Variants in CHIC2 observed in about 807,000 individuals in gnomAD.
CHIC2 encodes cysteine-rich hydrophobic domain-containing protein 2.
In CHIC2, 14 loss-of-function variants were observed where a neutral mutation model predicts 25.9. That is an observed-to-expected ratio of 0.54 (90% CI 0.36 to 0.85). CHIC2 has a LOEUF of 0.85. Ranked by LOEUF, CHIC2 falls within the 40% of genes least tolerant of loss-of-function variation. The pLI is 0.01. For missense variants in CHIC2, 146 were observed against 202.0 expected, an observed-to-expected ratio of 0.72 and a Z score of 1.68; for synonymous variants, 70 against 72.0, an observed-to-expected ratio of 0.97 and a Z score of 0.14.
chr4:54,085,254 T>C, the CHIC2 span, among the ~76,000 whole-genome samples: 4 of 152,362 alleles, frequency 2.6e-5, no homozygotes, highest in East Asian at 7.7e-4. Context: ...ATTACCTTTT[T>C]ACCACTTTTG....
intron 3 of CHIC2, among the ~76,000 whole-genome samples, chr4:54,021,250 C>T (rs573456993): frequency 2.6e-5 from 4 of 152,208 alleles, no homozygotes; most frequent in East Asian, 3.9e-4. Flanking sequence ...TAATTTTTGT[C>T]GAAAAATGGG....
chr4:54,043,765 C>T (rs915396113), intron 3 of CHIC2, among the ~76,000 whole-genome samples: 6 of 152,162 alleles, frequency 3.9e-5, no homozygotes, highest in Admixed American at 3.3e-4. Flanking sequence ...AAATAACCAG[C>T]TAACATCATA....
intron 1 of CHIC2, among the ~76,000 whole-genome samples, chr4:54,058,553 C>T (rs1015845349): frequency 1.0e-3 from 129 of 126,386 alleles, no homozygotes; most frequent in South Asian, 1.7e-3. Flanking sequence ...CACACATACA[C>T]ACACATACAC....
At chr4:54,036,125 A>G (rs774598284) in intron 3 of CHIC2, among the ~76,000 whole-genome samples, 2 of 152,220 alleles carry the variant, frequency 1.3e-5, no homozygotes, top group Non-Finnish European at 2.9e-5. Flanking sequence ...AATAAGAACT[A>G]TCTCAGTGAT....
At chr4:54,049,512 A>G (rs1435833591) in intron 1 of CHIC2, among the ~76,000 whole-genome samples, 1 of 152,224 alleles carries the variant, frequency 6.6e-6, no homozygotes, top group East Asian at 1.9e-4. Flanking sequence ...AAACTTTTGC[A>G]TAATGATAAG....
In CHIC2 at chr4:54,014,065, T is replaced by G. The variant is rs1314001615; in HGVS notation, c.385A>C (p.Lys129Gln). Reference sequence around the variant, plus strand: ...AAGCTGCTCCCTGTGGTACTCACCTTGTGGTATAACCTATTGTTTTCCCAT... The same window carrying G: ...AAGCTGCTCCCTGTGGTACTCACCTGGTGGTATAACCTATTGTTTTCCCAT... ...LEWENNRLYH[K>Q]LCLHWRLSKR... Residue 129 changes from lysine to glutamine, a missense_variant and splice_region_variant, in exon 4 of 6, where the codon AAG becomes CAG. Transcript: ENST00000263921. The G allele has an allele frequency of 1.9e-6, 3 of 1,613,340 alleles. No homozygotes were observed. Among genetic ancestry groups the G allele is most frequent in the South Asian group, 2.2e-5 (2 of 91,056 alleles).
At chr4:54,047,419 A>G (rs1716865217) in intron 3 of CHIC2, among the ~76,000 whole-genome samples, 1 of 152,150 alleles carries the variant, frequency 6.6e-6, no homozygotes, top group African/African-American at 2.4e-5. Context: ...ACAATGGTAG[A>G]CTGGATTAAG....
chr4:54,080,196 ATG>A, the CHIC2 span, among the ~76,000 whole-genome samples: 1 of 149,014 alleles, frequency 6.7e-6, no homozygotes, highest in East Asian at 1.9e-4. Flanking sequence ...GTGTATATAT[ATG>A]TGTATATATA....
chr4:54,083,318 A>G, the CHIC2 span, among the ~76,000 whole-genome samples: 1 of 152,058 alleles, frequency 6.6e-6, no homozygotes, highest in Non-Finnish European at 1.5e-5. Flanking sequence ...CCCAACTCCA[A>G]TCTCAATTTC....
At chr4:54,084,165 G>A in the CHIC2 span, among the ~76,000 whole-genome samples, 1 of 152,164 alleles carries the variant, frequency 6.6e-6, no homozygotes, top group Admixed American at 6.5e-5. Context: ...GGTTAGGTGA[G>A]CCACTGTGCC....
intron 3 of CHIC2, among the ~76,000 whole-genome samples, chr4:54,015,423 G>A (rs1457672052): frequency 2.6e-5 from 4 of 152,176 alleles, no homozygotes; most frequent in African/African-American, 9.6e-5. Context: ...CCTTTTAGAG[G>A]CAGCTCTCCT....
intron 3 of CHIC2, among the ~76,000 whole-genome samples, chr4:54,043,508 TAAAG>T (rs1157262706): frequency 2.0e-5 from 3 of 151,740 alleles, no homozygotes; most frequent in African/African-American, 7.3e-5. Context: ...TCAACATTCT[TAAAG>T]AAAAGAATTT....
the CHIC2 span, among the ~76,000 whole-genome samples, chr4:54,070,716 C>A: frequency 6.6e-6 from 1 of 152,172 alleles, no homozygotes; most frequent in African/African-American, 2.4e-5. Flanking sequence ...AGCCACCAGG[C>A]CTGGCCAGAT....
chr4:54,014,786 T>A (rs150353707), intron 3 of CHIC2, among the ~76,000 whole-genome samples: 4 of 152,148 alleles, frequency 2.6e-5, no homozygotes, highest in African/African-American at 9.7e-5. Context: ...AGATATGCTA[T>A]GCTGCATGAA....
intron 5 of CHIC2, among the ~76,000 whole-genome samples, chr4:54,011,722 T>C (rs1166287928): frequency 4.6e-5 from 7 of 152,004 alleles, no homozygotes; most frequent in African/African-American, 1.7e-4. Flanking sequence ...TCTACAAATT[T>C]TTCCTTCAGA....
At chr4:54,079,778 A>G in the CHIC2 span, among the ~76,000 whole-genome samples, 1 of 148,410 alleles carries the variant, frequency 6.7e-6, no homozygotes, top group Non-Finnish European at 1.5e-5. Flanking sequence ...GGTCTCAGAA[A>G]TAAAAAAAAA....
At chr4:54,080,164 A>G in the CHIC2 span, among the ~76,000 whole-genome samples, 1 of 148,192 alleles carries the variant, frequency 6.7e-6, no homozygotes, top group African/African-American at 2.5e-5. Context: ...ATGTATGTGT[A>G]TATATATATG....
At chr4:54,025,780 C>T (rs1716039505) in intron 3 of CHIC2, among the ~76,000 whole-genome samples, 2 of 150,388 alleles carry the variant, frequency 1.3e-5, no homozygotes, top group African/African-American at 4.9e-5. Flanking sequence ...GAGGATCACT[C>T]GAGCCTGGGA....
At chr4:54,034,188 T>A (rs565411506) in intron 3 of CHIC2, among the ~76,000 whole-genome samples, 1 of 152,158 alleles carries the variant, frequency 6.6e-6, no homozygotes, top group East Asian at 1.9e-4. Flanking sequence ...ACAGATCACC[T>A]CAGGTCGGGG....
Sources: gnomAD v4.1 joint callset for allele counts (sites outside exome capture counted in the v4.1 genomes callset) on GRCh38, gnomAD v4.1.1 for gene constraint, MANE v1.5 for transcripts, NCBI Gene and HGNC (gene_info 2026-07-23, HGNC 2026-07-21) for gene names.